The following CEP120 variants were observed in gnomAD, a reference collection of about 807,000 sequenced individuals.
CEP120 encodes the protein centrosomal protein 120, also known as centrosomal protein of 120 kDa.
A neutral mutation model predicts 126.5 loss-of-function variants in CEP120; 113 were observed. That is an observed-to-expected ratio of 0.89 (90% CI 0.77 to 1.04). The LOEUF (loss-of-function observed/expected upper bound fraction) is 1.04, where lower values mean the gene tolerates loss of function less well. CEP120 is among the 50% of genes least tolerant of loss of function. CEP120 has a pLI of 0.00. For missense variants in CEP120, 1,230 were observed against 1,155.7 expected (o/e 1.06, Z -0.93); for synonymous variants, 400 against 394.3 (o/e 1.01, Z -0.17).
At chr5:123,386,496 A>AGACAG in intron 10 of CEP120, 22 bp downstream of exon 10, 1 of 1,412,036 alleles carries the variant, frequency 7.1e-7, no homozygotes. Flanking sequence ...AATTAATATC[A>AGACAG]TACATACACT....
chr5:123,384,888 C>G, intron 11 of CEP120, 63 bp downstream of exon 11: 1 of 1,398,134 alleles, frequency 7.2e-7, no homozygotes, highest in Non-Finnish European at 9.7e-7. Flanking sequence ...TGGTGGCTGA[C>G]TAATCAAAAT....
rs182581968 is a variant in CEP120, at chr5:123,381,742, T to C, written c.2103+369A>G. Among the ~76,000 whole-genome samples the C allele has an allele frequency of 1.1e-4, 17 of 150,296 alleles. 1 individual carries two copies. The East Asian group carries it at 3.4e-3, about 30-fold the overall frequency. ...AGCAGGGTTTTTCTCTATTCATTTT[T>C]GTATATTCATATACACACACACATA... On this transcript the variant is annotated intron_variant, in intron 14 of 19. Transcript: ENST00000306467.
intron 10 of CEP120, among the ~76,000 whole-genome samples, chr5:123,385,955 C>T (rs1030352985): frequency 1.8e-4 from 27 of 152,108 alleles, no homozygotes; most frequent in African/African-American, 6.3e-4. Context: ...CCTTCAAATG[C>T]TGTAATTCCC....
chr5:123,418,577 C>G (rs1258888953), intron 1 of CEP120, 62 bp from the exon 2 acceptor site: 3 of 1,367,394 alleles, frequency 2.2e-6, no homozygotes, highest in Admixed American at 2.5e-5. Flanking sequence ...GATCATTTAC[C>G]ATGTGTTTTT....
chr5:123,422,383 G>C (rs1774773347), intron 1 of CEP120: 1 of 876,258 alleles, frequency 1.1e-6, no homozygotes, highest in Non-Finnish European at 1.8e-6. Context: ...TTTAGAATCA[G>C]GACTGTTTCA....
At chr5:123,359,540 C>G (rs1255807851) in intron 18 of CEP120, among the ~76,000 whole-genome samples, 2 of 151,926 alleles carry the variant, frequency 1.3e-5, no homozygotes, top group African/African-American at 4.8e-5. Context: ...TAAAATATTT[C>G]TATAGTATAT....
At chr5:123,413,685 C>A (rs1441915019) in intron 3 of CEP120, among the ~76,000 whole-genome samples, 1 of 152,004 alleles carries the variant, frequency 6.6e-6, no homozygotes, top group East Asian at 1.9e-4. Flanking sequence ...GCCTATACTG[C>A]TATTTTATAT....
intron 6 of CEP120, among the ~76,000 whole-genome samples, 173 bp from the exon 7 acceptor site, chr5:123,391,510 C>T (rs1318513391): frequency 3.3e-5 from 5 of 152,164 alleles, no homozygotes; most frequent in African/African-American, 1.2e-4. Context: ...ACTGTTAAAA[C>T]TGGTGATAAA....
At chr5:123,404,836 A>G (rs927553325) in intron 4 of CEP120, among the ~76,000 whole-genome samples, 1 of 152,188 alleles carries the variant, frequency 6.6e-6, no homozygotes, top group African/African-American at 2.4e-5. Context: ...CAATTTCACT[A>G]TTTGTTTCTC....
intron 16 of CEP120, among the ~76,000 whole-genome samples, chr5:123,376,477 T>G (rs747002550): frequency 6.6e-6 from 1 of 152,068 alleles, no homozygotes; most frequent in African/African-American, 2.4e-5. Flanking sequence ...GACAAGGCAA[T>G]GATTCTGATC....
At position 123,409,024 on chromosome 5, in the gene CEP120, T is replaced by C. The variant is rs962629915; in HGVS notation, c.463+3375A>G. 6.6e-5 allele frequency among the ~76,000 whole-genome samples: 10 copies of C among 152,126 alleles called. 1 individual carries two copies. The highest frequency in any genetic ancestry group is 2.2e-4 in the African/African-American group (9 of 41,434). On this transcript the variant is annotated intron_variant, in intron 4 of 19. Transcript: ENST00000306467. ...GAGTTCGAGACCAGTCTTGGCAACA[T>C]AGGGAGACTGCATCTCTACAAAAGG...
intron 8 of CEP120, among the ~76,000 whole-genome samples, chr5:123,389,679 T>C (rs1414684509): frequency 6.6e-6 from 1 of 152,136 alleles, no homozygotes; most frequent in Non-Finnish European, 1.5e-5. Flanking sequence ...TTTGTATTTT[T>C]AGTAGAGACG....
intron 4 of CEP120, among the ~76,000 whole-genome samples, chr5:123,404,820 T>C (rs1364199956): frequency 2.0e-5 from 3 of 152,256 alleles, no homozygotes; most frequent in Non-Finnish European, 4.4e-5. Flanking sequence ...ATCAATTGTA[T>C]GATTTCAATT....
chr5:123,382,056 A>G, intron 14 of CEP120, 55 bp downstream of exon 14: 1 of 1,199,438 alleles, frequency 8.3e-7, no homozygotes, highest in Non-Finnish European at 1.2e-6. Flanking sequence ...CGCAAATACA[A>G]GATATTATCA....
chr5:123,349,902 C>T (rs188606476), intron 19 of CEP120, 42 bp downstream of exon 19: 1 of 1,586,572 alleles, frequency 6.3e-7, no homozygotes, highest in East Asian at 2.2e-5. Context: ...CTTCCCTGAA[C>T]CAAACTTTGG....
At position 123,423,300 on chromosome 5, in the gene CEP120, C is replaced by G. The variant is rs570527486; in HGVS notation, c.-302G>C. On this transcript the variant is annotated 5_prime_UTR_variant, in exon 1 of 20. Transcript: ENST00000306467. ...GAGGACCTTTTGCCGCCTGCGTAGC[C>G]GCTTTTCAAACGCCCGGGCGGCCGC... 9.6e-6 allele frequency: 4 copies of G among 418,838 alleles called. No homozygotes were observed. The highest frequency in any genetic ancestry group is 8.5e-6 in the Non-Finnish European group (2 of 234,636). 25.9% of individuals were successfully genotyped at this position (418,838 alleles called of 1,614,324 possible).
chr5:123,390,209 G>T, intron 7 of CEP120, 69 bp from the exon 8 acceptor site: 1 of 1,137,356 alleles, frequency 8.8e-7, no homozygotes. Context: ...AAAAAACTTG[G>T]CATTGTTTTT....
chr5:123,369,332 C>T (rs1359497080), intron 17 of CEP120, among the ~76,000 whole-genome samples: 1 of 151,972 alleles, frequency 6.6e-6, no homozygotes, highest in Non-Finnish European at 1.5e-5. Context: ...ACCTTACTAC[C>T]TCCATTTAAA....
Position 123,399,153 on chromosome 5 carries a change from C to G in CEP120, c.595G>C (p.Ala199Pro), listed in dbSNP as rs367600930. 38 of 1,609,600 alleles carry G rather than the reference C, an allele frequency of 2.4e-5. No homozygotes were observed. Among genetic ancestry groups the G allele is most frequent in the Middle Eastern group, 1.7e-4 (1 of 6,060 alleles). ...SFIMSVTIAF[A>P]TQLEQLIPCT... ...AGTCTCACCTGTTCCAACTGGGTAG[C>G]AAATGCTATGGTCACTGACATAATA... Residue 199 changes from alanine to proline, a missense_variant, in exon 5 of 20, where the codon GCT becomes CCT. Ala to Pro is a conservative substitution (Grantham distance 27). Transcript: ENST00000306467.
Sources: gnomAD v4.1 joint callset for allele counts (sites outside exome capture counted in the v4.1 genomes callset) on GRCh38, gnomAD v4.1.1 for gene constraint, MANE v1.5 for transcripts, NCBI Gene and HGNC (gene_info 2026-07-23, HGNC 2026-07-21) for gene names.